The following ADGRL2 variants were observed in gnomAD, a reference collection of about 807,000 sequenced individuals.
The protein encoded by ADGRL2 is calcium-independent alpha-latrotoxin receptor 2.
Under a neutral mutation model 157.4 loss-of-function variants are expected in ADGRL2, and 44 were observed. The observed-to-expected ratio is 0.28, with a 90% CI of 0.22 to 0.36. The LOEUF (loss-of-function observed/expected upper bound fraction) is 0.36. ADGRL2 is among the 10% of genes least tolerant of loss of function. The pLI, the probability that ADGRL2 is intolerant of heterozygous loss-of-function variation, is 1.00. For missense variants in ADGRL2, 1,510 were observed against 1,768.9 expected (o/e 0.85, Z 2.63); for synonymous variants, 585 against 624.7 (o/e 0.94, Z 0.95).
intron 3 of ADGRL2, among the ~76,000 whole-genome samples, chr1:81,691,253 T>A (rs966957869): frequency 2.6e-5 from 4 of 151,960 alleles, no homozygotes; most frequent in Admixed American, 1.3e-4. Context: ...TGGGGAGTCC[T>A]GATAATATCT....
intron 1 of ADGRL2, among the ~76,000 whole-genome samples, chr1:81,715,433 T>G (rs2084081180): frequency 6.6e-6 from 1 of 152,182 alleles, no homozygotes; most frequent in Non-Finnish European, 1.5e-5. Context: ...AATTTACCAC[T>G]GTGAGATTTT....
chr1:81,536,059 A>G (rs948230658), intron 2 of ADGRL2, among the ~76,000 whole-genome samples: 13 of 152,210 alleles, frequency 8.5e-5, no homozygotes, highest in African/African-American at 3.1e-4. Flanking sequence ...AAAGTGATAC[A>G]TTGAGCTGCA....
At chr1:81,560,909 A>AT (rs1222939570) in intron 2 of ADGRL2, among the ~76,000 whole-genome samples, 1 of 151,860 alleles carries the variant, frequency 6.6e-6, no homozygotes, top group Non-Finnish European at 1.5e-5. Context: ...CATTCCAGTC[A>AT]TTTTTGCCTT....
chr1:81,683,368 A>AT (rs1479117429), intron 3 of ADGRL2, among the ~76,000 whole-genome samples: 1 of 152,006 alleles, frequency 6.6e-6, no homozygotes, highest in Non-Finnish European at 1.5e-5. Context: ...TTTAGTGGTG[A>AT]TTTGTGAGAT....
chr1:81,832,484 A>G (rs1328429826), intron 1 of ADGRL2, among the ~76,000 whole-genome samples: 1 of 152,092 alleles, frequency 6.6e-6, no homozygotes, highest in African/African-American at 2.4e-5. Flanking sequence ...AGTTTTTTTG[A>G]ATTGAATTAC....
At chr1:81,854,952 A>G (rs147969428) in intron 2 of ADGRL2, among the ~76,000 whole-genome samples, 5 of 152,294 alleles carry the variant, frequency 3.3e-5, no homozygotes, top group Middle Eastern at 3.4e-3. Flanking sequence ...TAGGTGAGAG[A>G]TAATCATTGA....
chr1:81,891,060 C>A (rs2094251120), intron 2 of ADGRL2, among the ~76,000 whole-genome samples: 1 of 151,788 alleles, frequency 6.6e-6, no homozygotes. Flanking sequence ...GTTTCCAGTT[C>A]TTGTTTTTGT....
chr1:81,675,495 GT>G (rs1445295789), intron 3 of ADGRL2, among the ~76,000 whole-genome samples: 2 of 151,638 alleles, frequency 1.3e-5, no homozygotes, highest in African/African-American at 4.8e-5. Context: ...GTTAACAGAA[GT>G]TTAAGCTTAT....
At chr1:81,695,777 T>G (rs1188178755), upstream of ADGRL2, among the ~76,000 whole-genome samples, 1 of 150,908 alleles carries the variant, frequency 6.6e-6, no homozygotes, top group Admixed American at 6.6e-5. Flanking sequence ...GCCGAGAGAT[T>G]ATGCCACTAC....
chr1:81,374,752 T>C (rs1159978917), intron 1 of ADGRL2, among the ~76,000 whole-genome samples: 1 of 152,138 alleles, frequency 6.6e-6, no homozygotes, highest in Non-Finnish European at 1.5e-5. Flanking sequence ...CCATTGCCGC[T>C]CACATATCCC....
chr1:81,732,010 C>T (rs564444928), intron 1 of ADGRL2, among the ~76,000 whole-genome samples: 3 of 152,294 alleles, frequency 2.0e-5, no homozygotes, highest in Non-Finnish European at 2.9e-5. Context: ...TATCACTAGT[C>T]CCTGTCCCTT....
chr1:81,499,646 A>G (rs1427331929), intron 2 of ADGRL2, among the ~76,000 whole-genome samples: 1 of 152,234 alleles, frequency 6.6e-6, no homozygotes, highest in Non-Finnish European at 1.5e-5. Context: ...ATGAGACAGC[A>G]TGATGTGAAC....
chr1:81,430,266 T>G (rs2101612995), intron 1 of ADGRL2, among the ~76,000 whole-genome samples: 1 of 152,256 alleles, frequency 6.6e-6, no homozygotes, highest in Middle Eastern at 3.4e-3. Flanking sequence ...TAGCAAGTGC[T>G]TGATGAAAAA....
chr1:81,379,293 A>G (rs1284097952), intron 1 of ADGRL2, among the ~76,000 whole-genome samples: 1 of 152,170 alleles, frequency 6.6e-6, no homozygotes, highest in Non-Finnish European at 1.5e-5. Flanking sequence ...CTCCGACCCC[A>G]TGGCAGCGTC....
intron 2 of ADGRL2, among the ~76,000 whole-genome samples, chr1:81,454,134 A>G (rs1236680612): frequency 1.3e-5 from 2 of 151,012 alleles, no homozygotes; most frequent in African/African-American, 4.9e-5. Context: ...CCAGGGCATT[A>G]TTGGCTCAGT....
intron 1 of ADGRL2, among the ~76,000 whole-genome samples, chr1:81,414,556 T>A (rs2077001919): frequency 6.6e-6 from 1 of 152,180 alleles, no homozygotes; most frequent in Admixed American, 6.5e-5. Context: ...CAAGGGAGGC[T>A]GGAAGGATGG....
intron 3 of ADGRL2, among the ~76,000 whole-genome samples, chr1:81,589,892 C>G (rs1013351315): frequency 1.3e-5 from 2 of 152,098 alleles, no homozygotes; most frequent in African/African-American, 2.4e-5. Flanking sequence ...GAAAAATGAT[C>G]ATTAAATGAG....
chr1:81,561,376 TA>T (rs751558341), intron 2 of ADGRL2, among the ~76,000 whole-genome samples: 6 of 152,002 alleles, frequency 3.9e-5, no homozygotes, highest in Non-Finnish European at 8.8e-5. Flanking sequence ...TTCTCTTTTT[TA>T]TATATTATTT....
At chr1:81,633,097 C>T (rs1185364001) in intron 3 of ADGRL2, among the ~76,000 whole-genome samples, 1 of 152,190 alleles carries the variant, frequency 6.6e-6, no homozygotes, top group African/African-American at 2.4e-5. Flanking sequence ...GGTTAGATAA[C>T]TGTTCTTCAA....
Sources: allele counts gnomAD v4.1 joint callset (sites outside exome capture counted in the v4.1 genomes callset), GRCh38; gene constraint gnomAD v4.1.1; transcripts MANE v1.5; gene names NCBI Gene and HGNC (gene_info 2026-07-23, HGNC 2026-07-21).